CCDC38: variants seen among roughly 807,000 people sequenced by gnomAD.
CCDC38 encodes coiled-coil domain containing 38, also known as coiled-coil domain-containing protein 38.
A neutral mutation model predicts 72.8 loss-of-function variants in CCDC38; 69 were observed. The ratio of observed to expected loss-of-function variants is 0.95; its 90% CI spans 0.78 to 1.16. The LOEUF is 1.16. CCDC38 is among the 50% of genes most tolerant of loss of function. CCDC38 has a pLI of 0.00. For synonymous variants in CCDC38, 201 were observed against 213.2 expected (o/e 0.94, Z 0.50); for missense variants, 626 against 638.9 (o/e 0.98, Z 0.22).
intron 8 of CCDC38, 95 bp from the exon 9 acceptor site, chr12:95,891,025 GTTA>G (rs1369258883): frequency 9.0e-6 from 6 of 667,850 alleles, no homozygotes; most frequent in Non-Finnish European, 1.3e-5. Context: ...TGAAGATAGA[GTTA>G]TTGTCAAAAC....
chr12:95,935,809 T>C (rs1440479743), intron 2 of CCDC38, among the ~76,000 whole-genome samples: 1 of 152,182 alleles, frequency 6.6e-6, no homozygotes, highest in Non-Finnish European at 1.5e-5. Context: ...CTGGGCATGA[T>C]AGCTCATGCC....
At chr12:95,910,008 C>T (rs1008342216) in intron 4 of CCDC38, among the ~76,000 whole-genome samples, 1 of 152,188 alleles carries the variant, frequency 6.6e-6, no homozygotes, top group Admixed American at 6.5e-5. Flanking sequence ...AGGATTTGCA[C>T]TCTCAGCATT....
chr12:95,901,273 T>C (rs78744368), intron 5 of CCDC38, among the ~76,000 whole-genome samples: 12,921 of 152,224 alleles, frequency 0.085, 766 homozygotes, highest in Non-Finnish European at 0.12. Flanking sequence ...AAAATGGAAT[T>C]GCTATTTAGT....
chr12:95,917,883 A>AAG (rs59948804), intron 3 of CCDC38, among the ~76,000 whole-genome samples: 1 of 149,110 alleles, frequency 6.7e-6, no homozygotes, highest in Non-Finnish European at 1.5e-5. Flanking sequence ...AAAAAAAAAA[A>AAG]GGAAATTCTA....
chr12:95,925,310 T>C (rs1464413145), intron 2 of CCDC38, among the ~76,000 whole-genome samples: 2 of 152,240 alleles, frequency 1.3e-5, no homozygotes, highest in African/African-American at 2.4e-5. Context: ...CAATTGTGAA[T>C]GAGAGTTCAC....
intron 11 of CCDC38, 38 bp downstream of exon 11, chr12:95,881,447 A>G: frequency 6.7e-7 from 1 of 1,481,678 alleles, no homozygotes; most frequent in Admixed American, 1.8e-5. Flanking sequence ...ATTTTTCACC[A>G]AACCCAATAT....
chr12:95,871,375 G>A (rs915490127), intron 14 of CCDC38, among the ~76,000 whole-genome samples: 1 of 152,196 alleles, frequency 6.6e-6, no homozygotes, highest in African/African-American at 2.4e-5. Context: ...ACAGGAGGAT[G>A]TACGTAGGTT....
chr12:95,914,686 T>C (rs746281774), intron 4 of CCDC38, among the ~76,000 whole-genome samples: 4 of 152,226 alleles, frequency 2.6e-5, no homozygotes, highest in Non-Finnish European at 5.9e-5. Flanking sequence ...TAAAAATACC[T>C]TTTTGGAATT....
intron 7 of CCDC38, among the ~76,000 whole-genome samples, chr12:95,898,048 C>A (rs967796727): frequency 1.3e-5 from 2 of 152,034 alleles, no homozygotes; most frequent in African/African-American, 4.8e-5. Context: ...AAAGTGCAAC[C>A]AGACTAAACT....
At chr12:95,907,420 C>T (rs2080019040) in intron 4 of CCDC38, among the ~76,000 whole-genome samples, 1 of 134,554 alleles carries the variant, frequency 7.4e-6, no homozygotes, top group Non-Finnish European at 1.6e-5. Flanking sequence ...GCGCCCCTCA[C>T]CTCCCGGACG....
intron 5 of CCDC38, chr12:95,903,619 A>C (rs1156324337): frequency 3.6e-6 from 2 of 552,350 alleles, no homozygotes; most frequent in African/African-American, 3.8e-5. Flanking sequence ...GATATTGTTG[A>C]GTGGTTTTTC....
At chr12:95,904,296 T>C (rs748899823) in intron 5 of CCDC38, among the ~76,000 whole-genome samples, 2 of 152,248 alleles carry the variant, frequency 1.3e-5, no homozygotes, top group African/African-American at 2.4e-5. Flanking sequence ...TATTACAAGT[T>C]ACCCAGAGTT....
At chr12:95,917,977 A>C (rs1266704617) in intron 3 of CCDC38, among the ~76,000 whole-genome samples, 1 of 152,050 alleles carries the variant, frequency 6.6e-6, no homozygotes, top group Non-Finnish European at 1.5e-5. Flanking sequence ...GATTTCATTC[A>C]TCTTCTCTCA....
At chr12:95,868,047 T>C (rs1169678011) in intron 15 of CCDC38, among the ~76,000 whole-genome samples, 1 of 152,254 alleles carries the variant, frequency 6.6e-6, no homozygotes, top group Admixed American at 6.5e-5. Flanking sequence ...GAATTCCTTC[T>C]GCAATATCGG....
chr12:95,925,099 G>A (rs1424718277), intron 2 of CCDC38, among the ~76,000 whole-genome samples: 3 of 151,188 alleles, frequency 2.0e-5, no homozygotes, highest in Non-Finnish European at 2.9e-5. Flanking sequence ...AGCTTGATGG[G>A]GATGGCATTG....
intron 5 of CCDC38, among the ~76,000 whole-genome samples, chr12:95,906,055 G>A (rs2079997310): frequency 6.6e-6 from 1 of 152,128 alleles, no homozygotes; most frequent in South Asian, 2.1e-4. Flanking sequence ...CACTATCCTG[G>A]TCATAGAAGA....
chr12:95,869,522 T>C lies in CCDC38; in HGVS notation c.1536A>G (p.Leu512=). The change falls in exon 15 of 16, where the codon CTA becomes CTG. Residue 512 remains leucine, a synonymous_variant. Coordinates refer to ENST00000344280, the MANE Select transcript of CCDC38 (RefSeq NM_182496.3). The part of the protein sequence containing the change: ...KEKQRHQQER[L]KAALEKAVAQ... ...CTACTGCTTTTTCCAGAGCAGCTTT[T>C]AGCCTTTCCTGTTGGTGTCTTTGTT... The C allele has an allele frequency of 1.2e-6, 2 of 1,613,776 alleles. No individual in the cohort carries two copies. Among genetic ancestry groups the C allele is most frequent in the South Asian group, 1.1e-5 (1 of 91,022 alleles).
intron 7 of CCDC38, among the ~76,000 whole-genome samples, chr12:95,896,035 G>A (rs1284766706): frequency 8.5e-5 from 11 of 128,694 alleles, no homozygotes; most frequent in South Asian, 2.4e-4. Context: ...CAGCCTGGGC[G>A]ACAGAACAAG....
At position 95,879,895 on chromosome 12, in the gene CCDC38, C is replaced by A; in HGVS notation, c.991-100G>T. The A allele has an allele frequency of 1.1e-6, 1 of 882,054 alleles. No homozygotes were observed. Among genetic ancestry groups the A allele is most frequent in the South Asian group, 2.1e-5 (1 of 46,724 alleles). The allele number at this position is 882,054 out of a possible 1,614,324, so 54.6% of individuals were successfully genotyped here. On this transcript the variant is annotated intron_variant, in intron 11 of 15. Coordinates refer to ENST00000344280, the MANE Select transcript of CCDC38 (RefSeq NM_182496.3). The surrounding 1 kb of genome is among the most constrained non-coding windows in gnomAD (Gnocchi z 5.5). ...TACAGTGGGGTAAAGGAAGACAGTT[C>A]TAAGGATGAGGGAGACACAGGTAGG... is the stretch of plus-strand genomic sequence containing the variant.
Sources: gnomAD v4.1 joint callset for allele counts (sites outside exome capture counted in the v4.1 genomes callset) on GRCh38, gnomAD v4.1.1 for gene constraint, Gnocchi (gnomAD v3.1) non-coding constraint, MANE v1.5 for transcripts, NCBI Gene and HGNC (gene_info 2026-07-23, HGNC 2026-07-21) for gene names.